TMEM168: variants seen among roughly 807,000 people sequenced by gnomAD.
TMEM168 encodes transmembrane protein 168.
TMEM168 carries 40 observed loss-of-function variants against 53.2 expected under a neutral mutation model. The observed-to-expected ratio is 0.75, with a 90% CI of 0.58 to 0.98. TMEM168 has a LOEUF of 0.98. Ranked by LOEUF, TMEM168 falls within the 50% of genes least tolerant of loss-of-function variation. TMEM168 has a pLI of 0.00. For synonymous variants in TMEM168, 282 were observed against 293.0 expected (o/e 0.96, Z 0.38); for missense variants, 771 against 828.8 (o/e 0.93, Z 0.86).
intron 2 of TMEM168, 140 bp downstream of exon 2, chr7:112,783,558 T>C: frequency 2.2e-6 from 2 of 896,934 alleles, no homozygotes; most frequent in Non-Finnish European, 3.1e-6. Context: ...ATTCAGTGCT[T>C]CAATTCCATG....
chr7:112,767,223 G>T lies in TMEM168; in HGVS notation c.2068C>A (p.Gln690Lys). ...TAAGATTTGACAAGTTTGAAGCCTT[G>T]TCCTGTGTCCAGCACAGTAGGAAGA... is the stretch of plus-strand genomic sequence containing the variant. ...WFLPTVLDTG[Q>K]GFKLVKS is the part of the protein sequence containing the mutation. Residue 690 changes from glutamine to lysine, a missense_variant, in exon 5 of 5, where the codon CAA (glutamine) becomes AAA (lysine). By Grantham distance (53) the Gln-to-Lys change is moderately conservative. Coordinates refer to ENST00000312814, the MANE Select transcript of TMEM168 (RefSeq NM_022484.6). The T allele has an allele frequency of 3.1e-6, 5 of 1,613,688 alleles. No homozygotes were observed. The highest frequency in any genetic ancestry group is 4.2e-6 in the Non-Finnish European group (5 of 1,179,852).
chr7:112,789,836 C>T (rs1161333917), intron 1 of TMEM168, among the ~76,000 whole-genome samples: 1 of 152,254 alleles, frequency 6.6e-6, no homozygotes, highest in African/African-American at 2.4e-5. Flanking sequence ...ACTAGAGCAG[C>T]AACAGCAATT....
At chr7:112,776,417 T>C (rs894259109) in intron 2 of TMEM168, among the ~76,000 whole-genome samples, 1 of 152,090 alleles carries the variant, frequency 6.6e-6, no homozygotes, top group Non-Finnish European at 1.5e-5. Context: ...TATTAAACTA[T>C]TACATTCTTC....
chr7:112,782,122 C>T (rs1488399291), intron 2 of TMEM168, among the ~76,000 whole-genome samples: 1 of 152,120 alleles, frequency 6.6e-6, no homozygotes, highest in African/African-American at 2.4e-5. Flanking sequence ...TAAAAAGATG[C>T]TCAACATCAT....
In TMEM168 at chr7:112,764,237, G is replaced by C. The variant is rs970185166; in HGVS notation, c.*2960C>G. The stretch of plus-strand genomic sequence containing the variant: ...TGATGTTTTTAGAGCTAGTGGTTTT[G>C]TGGTTTTAGCAAGGTATCACATGAG... On this transcript the variant is annotated 3_prime_UTR_variant, in exon 5 of 5. Transcript: ENST00000312814. 3.3e-5 allele frequency: 5 copies of C among 151,736 alleles called. No homozygotes were observed. The highest frequency in any genetic ancestry group is 1.2e-4 in the African/African-American group (5 of 41,410). 9.4% of individuals were successfully genotyped at this position (151,736 alleles called of 1,614,324 possible). A position where few individuals can be genotyped will look rare whatever the true frequency, so the allele number is the denominator to read the frequency against.
chr7:112,769,972 TCAA>T (rs987497430), intron 4 of TMEM168, among the ~76,000 whole-genome samples: 2 of 152,202 alleles, frequency 1.3e-5, no homozygotes, highest in African/African-American at 4.8e-5. Context: ...GGGCCTGCTA[TCAA>T]CTTGCTAACC....
At chr7:112,768,777 T>C (rs1038119397) in intron 4 of TMEM168, among the ~76,000 whole-genome samples, 1 of 152,048 alleles carries the variant, frequency 6.6e-6, no homozygotes, top group Non-Finnish European at 1.5e-5. Flanking sequence ...TACGAATCTA[T>C]CTTAAGGAAA....
chr7:112,769,190 T>A (rs1792867615), intron 4 of TMEM168, among the ~76,000 whole-genome samples: 1 of 152,220 alleles, frequency 6.6e-6, no homozygotes, highest in Non-Finnish European at 1.5e-5. Flanking sequence ...CATTTATTAA[T>A]GTTTTATTAA....
Position 112,766,992 on chromosome 7 carries a change from AT to A in TMEM168, c.*204del. 3.6e-6 allele frequency: 2 copies of A among 553,382 alleles called. No homozygotes were observed. The highest frequency in any genetic ancestry group is 6.3e-6 in the Non-Finnish European group (2 of 317,392). 34.3% of individuals were successfully genotyped at this position (553,382 alleles called of 1,614,324 possible). A position where few individuals can be genotyped will look rare whatever the true frequency, so the allele number is the denominator to read the frequency against. On this transcript the variant is annotated 3_prime_UTR_variant, in exon 5 of 5. Coordinates refer to ENST00000312814, the MANE Select transcript of TMEM168 (RefSeq NM_022484.6). ...CGTCTCTTATGCATTTACAGTAAGC[AT>A]TTGACTCCCTACATACTTTCATTAT...
chr7:112,777,557 T>G (rs1793117891), intron 2 of TMEM168, among the ~76,000 whole-genome samples: 1 of 152,310 alleles, frequency 6.6e-6, no homozygotes, highest in South Asian at 2.1e-4. Flanking sequence ...TATCCTTTCC[T>G]TCTGTTCAGT....
At chr7:112,780,867 G>C (rs180850887) in intron 2 of TMEM168, among the ~76,000 whole-genome samples, 21 of 151,226 alleles carry the variant, frequency 1.4e-4, no homozygotes, top group African/African-American at 4.9e-4. Flanking sequence ...GGAAGCAAGA[G>C]GGAATTTTGG....
Position 112,767,316 on chromosome 7 carries a change from C to G in TMEM168, c.1975G>C (p.Gly659Arg), listed in dbSNP as rs77145942. ...TTGCAGATCCAAAAAAGGTTCAGAC[C>G]GCATAACCAATTTGCCAAATGCACT... ...PLVHLANWLC[G>R]LNLFWICKTC... The change falls in exon 5 of 5, where the codon GGT (glycine) becomes CGT (arginine). Residue 659 changes from glycine to arginine, a missense_variant. By Grantham distance (125) the Gly-to-Arg change is moderately radical. Transcript: ENST00000312814. The G allele has an allele frequency of 1.3e-5, 21 of 1,614,040 alleles. No homozygotes were observed. Among genetic ancestry groups the G allele is most frequent in the Non-Finnish European group, 1.2e-5 (14 of 1,179,988 alleles).
chr7:112,763,711 T>C lies in TMEM168; in HGVS notation c.*3486A>G, dbSNP rs1470818127. 6.6e-6 allele frequency: 1 copy of C among 152,064 alleles called. No individual in the cohort carries two copies. The highest frequency in any genetic ancestry group is 1.5e-5 in the Non-Finnish European group (1 of 67,988). The allele number at this position is 152,064 out of a possible 1,614,324, so 9.4% of individuals were successfully genotyped here. A position where few individuals can be genotyped will look rare whatever the true frequency, so the allele number is the denominator to read the frequency against. On this transcript the variant is annotated 3_prime_UTR_variant, in exon 5 of 5. Transcript: ENST00000312814. The stretch of plus-strand genomic sequence containing the variant: ...ACTAAGCTATAAATTTGAATACATA[T>C]AAAAAAGCAGTACCCAAGAGTAAAT...
intron 4 of TMEM168, among the ~76,000 whole-genome samples, chr7:112,769,168 T>C (rs1291146021): frequency 1.3e-5 from 2 of 152,204 alleles, no homozygotes; most frequent in Non-Finnish European, 2.9e-5. Flanking sequence ...TTCTATCATA[T>C]TCTTTATGTG....
intron 3 of TMEM168, among the ~76,000 whole-genome samples, chr7:112,774,361 T>G (rs76675673): frequency 7.3e-6 from 1 of 136,414 alleles, no homozygotes; most frequent in African/African-American, 2.9e-5. Flanking sequence ...GTTTTTACAT[T>G]TTTTTTTTTT....
intron 2 of TMEM168, among the ~76,000 whole-genome samples, chr7:112,779,600 A>C (rs1482945743): frequency 6.6e-6 from 1 of 152,222 alleles, no homozygotes; most frequent in Non-Finnish European, 1.5e-5. Context: ...CTCATTATCA[A>C]ATTTTAAGAC....
intron 2 of TMEM168, among the ~76,000 whole-genome samples, chr7:112,779,324 G>A (rs1461435528): frequency 2.0e-5 from 3 of 152,094 alleles, no homozygotes; most frequent in Non-Finnish European, 2.9e-5. Context: ...TTAGTATTTT[G>A]GCAATACAAA....
At chr7:112,775,409 T>C in intron 2 of TMEM168, 91 bp from the exon 3 acceptor site, 19 of 1,173,250 alleles carry the variant, frequency 1.6e-5, no homozygotes, top group Non-Finnish European at 2.0e-5. Context: ...TTTTAGCTTC[T>C]ACTTTCAAAA....
intron 2 of TMEM168, among the ~76,000 whole-genome samples, chr7:112,782,494 A>C (rs1255996359): frequency 6.6e-6 from 1 of 152,006 alleles, no homozygotes; most frequent in Non-Finnish European, 1.5e-5. Flanking sequence ...AGGGAGGAAA[A>C]CTCATGCTTG....
Sources: gnomAD v4.1 joint callset for allele counts (sites outside exome capture counted in the v4.1 genomes callset) on GRCh38, gnomAD v4.1.1 for gene constraint, MANE v1.5 for transcripts, NCBI Gene and HGNC (gene_info 2026-07-23, HGNC 2026-07-21) for gene names.